Variants in KIF13A observed in about 807,000 individuals in gnomAD.
KIF13A encodes the protein kinesin family member 13A.
A neutral mutation model predicts 212.2 loss-of-function variants in KIF13A; 79 were observed. That is an observed-to-expected ratio of 0.37 (90% confidence interval 0.31 to 0.45). KIF13A has a LOEUF of 0.45. Among genes scored for constraint, KIF13A ranks in the 20% least tolerant of loss-of-function variants. The pLI, the probability that KIF13A is intolerant of heterozygous loss-of-function variation, is 1.00. For missense variants in KIF13A, 1,901 were observed against 2,209.0 expected (o/e 0.86, Z 2.79); for synonymous variants, 789 against 808.6 (o/e 0.98, Z 0.41).
Position 17,783,812 on chromosome 6 carries a change from T to A in KIF13A, c.3489-111A>T, listed in dbSNP as rs1760814058. On this transcript the variant is annotated intron_variant, in intron 28 of 38. Transcript: ENST00000259711. This position sits in a 1 kb window ranked among gnomAD's most constrained non-coding sequence, Gnocchi z 4.3. The stretch of plus-strand genomic sequence containing the variant: ...AAAGAGAACCATGGTGGAGATGCAG[T>A]TTCCACTAATGAAATACTTTCATAT... 2.8e-6 allele frequency: 2 copies of A among 717,440 alleles called. No individual in the cohort carries two copies. The highest frequency in any genetic ancestry group is 5.0e-6 in the Non-Finnish European group (2 of 402,224). 44.4% of individuals were successfully genotyped at this position (717,440 alleles called of 1,614,324 possible). A position where few individuals can be genotyped will look rare whatever the true frequency, so the allele number is the denominator to read the frequency against.
Position 17,963,617 on chromosome 6 carries a change from C to T in KIF13A, c.146+23437G>A, listed in dbSNP as rs139109730. Among the ~76,000 whole-genome samples, 6 of 152,280 alleles carry T rather than the reference C, an allele frequency of 3.9e-5. No homozygotes were observed. The highest frequency in any genetic ancestry group is 1.2e-4 in the African/African-American group (5 of 41,562). Reference sequence around the variant, plus strand: ...GTGTCGCCTAGGCTGGAGTGCTGCGCGTGATCGCAGCTTACTGCAACCTCC... The same window carrying T: ...GTGTCGCCTAGGCTGGAGTGCTGCGTGTGATCGCAGCTTACTGCAACCTCC... On this transcript the variant is annotated intron_variant, in intron 2 of 38. Coordinates refer to ENST00000259711, the MANE Select transcript of KIF13A (RefSeq NM_022113.6). The surrounding 1 kb of genome is among the most constrained non-coding windows in gnomAD (Gnocchi z 4.1).
chr6:17,976,355 C>T (rs897276970), intron 2 of KIF13A, among the ~76,000 whole-genome samples: 8 of 152,222 alleles, frequency 5.3e-5, no homozygotes, highest in Non-Finnish European at 8.8e-5. Context: ...TAAGGCCCGG[C>T]GAGAAATCGA....
Position 17,855,492 on chromosome 6 carries a change from C to T in KIF13A, c.439G>A (p.Val147Met), listed in dbSNP as rs1768057422. 2 of 1,613,700 alleles carry T rather than the reference C, an allele frequency of 1.2e-6. No individual in the cohort carries two copies. The highest frequency in any genetic ancestry group is 1.1e-5 in the South Asian group (1 of 91,050). ...QNESQTFKVE[V>M]SYMEIYNEKV... ...TCATTATAAATTTCCATATAGGACACTTCAACTTTAAAGGTCTGTGACTCA... is the reference window on the plus strand; with the variant it reads ...TCATTATAAATTTCCATATAGGACATTTCAACTTTAAAGGTCTGTGACTCA... Residue 147 changes from valine to methionine, a missense_variant, in exon 6 of 39, where the codon GTG (valine) becomes ATG (methionine). Coordinates refer to ENST00000259711, the MANE Select transcript of KIF13A (RefSeq NM_022113.6). This position sits in a 1 kb window ranked among gnomAD's most constrained non-coding sequence, Gnocchi z 4.1.
Position 17,834,204 on chromosome 6 carries a change from G to A in KIF13A, c.1156-133C>T, listed in dbSNP as rs1159539292. On this transcript the variant is annotated intron_variant, in intron 11 of 38. Coordinates refer to ENST00000259711, the MANE Select transcript of KIF13A (RefSeq NM_022113.6). The surrounding 1 kb of genome is among the most constrained non-coding windows in gnomAD (Gnocchi z 4.0). ...AAATTAAGTTATATGCTGTTAGGGTGGGTTTTTAACCTTTATTAATCAAAC... is the reference window on the plus strand; with the variant it reads ...AAATTAAGTTATATGCTGTTAGGGTAGGTTTTTAACCTTTATTAATCAAAC... 2.3e-5 allele frequency: 13 copies of A among 561,580 alleles called. No homozygotes were observed. The highest frequency in any genetic ancestry group is 1.8e-4 in the African/African-American group (9 of 50,686). The allele number at this position is 561,580 out of a possible 1,614,324, so 34.8% of individuals were successfully genotyped here. A position where few individuals can be genotyped will look rare whatever the true frequency, so the allele number is the denominator to read the frequency against.
chr6:17,791,874 T>C (rs1232709242), intron 25 of KIF13A, among the ~76,000 whole-genome samples: 1 of 128,550 alleles, frequency 7.8e-6, no homozygotes, highest in African/African-American at 3.0e-5. Context: ...CACTCCAGCC[T>C]GGGTGACAGA....
intron 17 of KIF13A, among the ~76,000 whole-genome samples, chr6:17,814,849 C>T (rs1200074768): frequency 6.6e-6 from 1 of 152,198 alleles, no homozygotes. Flanking sequence ...TAGGGTCCAG[C>T]CCCACTGGGT....
rs1321036353 is a variant in KIF13A, at chr6:17,828,884, T to G, written c.1402-514A>C. On this transcript the variant is annotated intron_variant, in intron 13 of 38. Transcript: ENST00000259711. This position sits in a 1 kb window ranked among gnomAD's most constrained non-coding sequence, Gnocchi z 4.3. ...TTCAACTTTGAAAATGCTAAAAATT[T>G]TGAATTTCTAATACTGATATTACAT... 6.6e-6 allele frequency among the ~76,000 whole-genome samples: 1 copy of G among 152,148 alleles called. No homozygotes were observed. The highest frequency in any genetic ancestry group is 1.9e-4 in the East Asian group (1 of 5,196).
rs1029951472 is a variant in KIF13A at position 17,934,780 on chromosome 6, C to T, written c.147-36600G>A. Among the ~76,000 whole-genome samples, 3 of 119,744 alleles carry T rather than the reference C, an allele frequency of 2.5e-5. No homozygotes were observed. Among genetic ancestry groups the T allele is most frequent in the African/African-American group, 8.3e-5 (3 of 36,200 alleles). 78.6% of individuals were successfully genotyped at this position (119,744 alleles called of 152,430 possible). ...CCAGCCTGGGCAACCAAGCAATACCCTGTCTCCAAAAAAAAAAAAAAGACA... is the reference window on the plus strand; with the variant it reads ...CCAGCCTGGGCAACCAAGCAATACCTTGTCTCCAAAAAAAAAAAAAAGACA... On this transcript the variant is annotated intron_variant, in intron 2 of 38. Transcript: ENST00000259711. This position sits in a 1 kb window ranked among gnomAD's most constrained non-coding sequence, Gnocchi z 5.4.
chr6:17,946,441 G>T (rs1249676974), intron 2 of KIF13A, among the ~76,000 whole-genome samples: 1 of 147,622 alleles, frequency 6.8e-6, no homozygotes, highest in Non-Finnish European at 1.5e-5. Context: ...ATTTTAAAAG[G>T]CCAAAAAAAA....
chr6:17,785,663 T>C lies in KIF13A; in HGVS notation c.3362-22A>G. ...TTCTCTGCAGAAAAAAATGAGGAGA[T>C]CAATGCCAACAAGAGAGAAAGTATG... On this transcript the variant is annotated intron_variant, in intron 27 of 38. Transcript: ENST00000259711. This position sits in a 1 kb window ranked among gnomAD's most constrained non-coding sequence, Gnocchi z 5.8. 6.3e-7 allele frequency: 1 copy of C among 1,592,900 alleles called. No individual in the cohort carries two copies. Among genetic ancestry groups the C allele is most frequent in the South Asian group, 1.1e-5 (1 of 87,344 alleles).
intron 4 of KIF13A, among the ~76,000 whole-genome samples, chr6:17,857,294 G>A (rs2150408403): frequency 6.6e-6 from 1 of 152,278 alleles, no homozygotes. Context: ...ATCTTGAATT[G>A]TAATCCCCAC....
intron 17 of KIF13A, among the ~76,000 whole-genome samples, chr6:17,814,624 ACT>A (rs144103242): frequency 0.012 from 1,844 of 152,100 alleles, 38 homozygotes; most frequent in African/African-American, 0.042. Context: ...CTGGGTTCAA[ACT>A]CTGTTTTTTT....
chr6:17,760,705 G>A, downstream of KIF13A: 1 of 679,698 alleles, frequency 1.5e-6, no homozygotes. Context: ...GAAAGGAGGT[G>A]GCCCAGGAAG....
chr6:17,778,134 T>C (rs1760167176), intron 33 of KIF13A, among the ~76,000 whole-genome samples: 1 of 152,066 alleles, frequency 6.6e-6, no homozygotes, highest in South Asian at 2.1e-4. Context: ...CAAGACTCTG[T>C]CTCAAAAATA....
chr6:17,790,052 A>G, intron 25 of KIF13A, 142 bp from the exon 26 acceptor site: 2 of 624,994 alleles, frequency 3.2e-6, no homozygotes, highest in Non-Finnish European at 2.8e-6. Context: ...TTGAATCTCA[A>G]AAAAGGTAAA....
intron 25 of KIF13A, among the ~76,000 whole-genome samples, chr6:17,791,881 C>G (rs1019896175): frequency 4.0e-5 from 5 of 125,210 alleles, no homozygotes; most frequent in Non-Finnish European, 7.9e-5. Flanking sequence ...GCCTGGGTGA[C>G]AGAGAGAGAG....
chr6:17,859,636 A>ATT (rs1204467896), intron 4 of KIF13A, among the ~76,000 whole-genome samples: 30 of 111,072 alleles, frequency 2.7e-4, no homozygotes, highest in African/African-American at 7.4e-4. Context: ...ATATATATAT[A>ATT]TATTTTTTTT....
chr6:17,808,394 C>CAAAA (rs566361183), intron 18 of KIF13A, among the ~76,000 whole-genome samples: 1 of 89,964 alleles, frequency 1.1e-5, no homozygotes, highest in African/African-American at 4.4e-5. Flanking sequence ...TAAAAACAAA[C>CAAAA]AAACAAACAA....
Position 17,790,022 on chromosome 6 carries a change from A to G in KIF13A, c.3223-112T>C, listed in dbSNP as rs987650070. ...TTAAAATGGACAGCTTACCTAACAT[A>G]AGCAAAATAAAACACTAAATTGAAT... On this transcript the variant is annotated intron_variant, in intron 25 of 38. Transcript: ENST00000259711. 4.0e-6 allele frequency: 3 copies of G among 744,344 alleles called. No homozygotes were observed. The African/African-American group carries it at 5.3e-5, about 13-fold the overall frequency. The allele number at this position is 744,344 out of a possible 1,614,324, so 46.1% of individuals were successfully genotyped here.
Sources: gnomAD v4.1 joint callset for allele counts (sites outside exome capture counted in the v4.1 genomes callset) on GRCh38, gnomAD v4.1.1 for gene constraint, Gnocchi (gnomAD v3.1) non-coding constraint, MANE v1.5 for transcripts, NCBI Gene and HGNC (gene_info 2026-07-23, HGNC 2026-07-21) for gene names.